The following ITGA2 variants were observed in gnomAD, a reference collection of about 807,000 sequenced individuals.
ITGA2 encodes the protein integrin alpha-2.
ITGA2 carries 101 observed loss-of-function variants against 146.3 expected under a neutral mutation model. The ratio of observed to expected loss-of-function variants is 0.69; its 90% CI spans 0.59 to 0.81. ITGA2 has a LOEUF of 0.81. ITGA2 is among the 40% of genes least tolerant of loss of function. The pLI is 0.00. For synonymous variants in ITGA2, 477 were observed against 487.1 expected (o/e 0.98, Z 0.27); for missense variants, 1,281 against 1,402.7 (o/e 0.91, Z 1.39).
chr5:53,080,268 A>C (rs1294950876), intron 24 of ITGA2, among the ~76,000 whole-genome samples: 1 of 152,132 alleles, frequency 6.6e-6, no homozygotes, highest in Non-Finnish European at 1.5e-5. Context: ...CTTATATCCT[A>C]CTGCTCAAGG....
At chr5:53,002,563 G>A (rs1019388086) in intron 1 of ITGA2, among the ~76,000 whole-genome samples, 13 of 152,016 alleles carry the variant, frequency 8.6e-5, no homozygotes, top group African/African-American at 2.9e-4. Flanking sequence ...TAACTTTAAT[G>A]CATCCTGCCA....
At chr5:53,073,374 C>G in intron 20 of ITGA2, 115 bp downstream of exon 20, 1 of 1,160,330 alleles carries the variant, frequency 8.6e-7, no homozygotes, top group Non-Finnish European at 1.3e-6. Context: ...CATGATCAAT[C>G]TGAACTTTGT....
At chr5:53,049,110 C>G (rs1348524259) in intron 6 of ITGA2, among the ~76,000 whole-genome samples, 1 of 151,840 alleles carries the variant, frequency 6.6e-6, no homozygotes, top group Non-Finnish European at 1.5e-5. Flanking sequence ...CTCCTGGGTT[C>G]AAGCGATTCT....
Position 53,075,114 on chromosome 5 carries a change from G to A in ITGA2, c.2718G>A (p.Ala906=), listed in dbSNP as rs3212594. Residue 906 remains alanine (A), a synonymous_variant, in exon 22 of 30, where the codon GCG becomes GCA. Transcript: ENST00000296585. Reference sequence around the variant, plus strand: ...ATCTTCAAAACCTTCAGAATCAGGCGTCTCTCAGTTTCCAAGCCTTAAGGT... The same window carrying A: ...ATCTTCAAAACCTTCAGAATCAGGCATCTCTCAGTTTCCAAGCCTTAAGGT... ...DFNLQNLQNQ[A]SLSFQALSES... 2.1e-3 allele frequency: 3,338 copies of A among 1,611,646 alleles called. 36 individuals are homozygous for A. The African/African-American group carries it at 0.031, about 15-fold the overall frequency.
intron 1 of ITGA2, among the ~76,000 whole-genome samples, chr5:52,999,278 A>C (rs948451099): frequency 2.0e-5 from 3 of 152,232 alleles, no homozygotes; most frequent in Non-Finnish European, 4.4e-5. Context: ...AAAATGATGT[A>C]TTAAAAAAGA....
chr5:53,094,655 T>C lies in ITGA2; in HGVS notation c.*4056T>C, dbSNP rs1458318786. The C allele has an allele frequency of 6.6e-6, 1 of 152,240 alleles. No individual in the cohort carries two copies. Among genetic ancestry groups the C allele is most frequent in the Non-Finnish European group, 1.5e-5 (1 of 68,036 alleles). The allele number at this position is 152,240 out of a possible 1,614,324, so 9.4% of individuals were successfully genotyped here. ...TGTAGTCAACAGTTAGTAGTTTTTC[T>C]CATATCCAAGTATAACAAACAGAAA... On this transcript the variant is annotated 3_prime_UTR_variant, in exon 30 of 30. Transcript: ENST00000296585.
At chr5:53,026,609 G>A in intron 1 of ITGA2, 139 bp from the exon 2 acceptor site, 1 of 747,954 alleles carries the variant, frequency 1.3e-6, no homozygotes, top group African/African-American at 1.8e-5. Context: ...AAAAGCAGTA[G>A]TTATTTTTTC....
At chr5:53,031,747 T>A (rs1279721941) in intron 2 of ITGA2, among the ~76,000 whole-genome samples, 1 of 152,194 alleles carries the variant, frequency 6.6e-6, no homozygotes, top group Non-Finnish European at 1.5e-5. Context: ...CCAAGTAGAG[T>A]ACCTGGGCAG....
intron 23 of ITGA2, among the ~76,000 whole-genome samples, chr5:53,076,109 A>G (rs1401899955): frequency 2.0e-5 from 3 of 151,964 alleles, no homozygotes; most frequent in Admixed American, 6.6e-5. Flanking sequence ...TTCATGGCAC[A>G]GACAAACTGG....
At chr5:53,036,630 C>T (rs1199869641) in intron 2 of ITGA2, among the ~76,000 whole-genome samples, 3 of 152,190 alleles carry the variant, frequency 2.0e-5, no homozygotes, top group African/African-American at 4.8e-5. Flanking sequence ...CTCCACCCCA[C>T]ACTCCTAACT....
intron 1 of ITGA2, among the ~76,000 whole-genome samples, chr5:53,000,506 T>C (rs1047183923): frequency 6.6e-6 from 1 of 152,192 alleles, no homozygotes; most frequent in Non-Finnish European, 1.5e-5. Flanking sequence ...TTACTCTCTC[T>C]ACTGTATTGT....
chr5:53,090,373 A>G (rs532711944), intron 29 of ITGA2, 146 bp from the exon 30 acceptor site: 22 of 731,346 alleles, frequency 3.0e-5, no homozygotes, highest in Admixed American at 6.1e-5. Context: ...CAGGTGGTAG[A>G]TATCAGGTCA....
chr5:53,060,360 C>T (rs2111960349), intron 11 of ITGA2, among the ~76,000 whole-genome samples: 1 of 151,978 alleles, frequency 6.6e-6, no homozygotes, highest in East Asian at 1.9e-4. Flanking sequence ...AATAAGCAGC[C>T]ACTGATTTTG....
chr5:53,005,596 A>T (rs1741806234), intron 1 of ITGA2, among the ~76,000 whole-genome samples: 1 of 144,022 alleles, frequency 6.9e-6, no homozygotes, highest in African/African-American at 2.5e-5. Context: ...AAAAAAAAAA[A>T]GATGAAAGTG....
intron 1 of ITGA2, among the ~76,000 whole-genome samples, chr5:52,994,439 G>T (rs934369235): frequency 2.6e-5 from 4 of 152,232 alleles, no homozygotes; most frequent in African/African-American, 9.6e-5. Context: ...GGCTGTGTCT[G>T]ATTTAGCCAT....
rs775763016 is a variant in ITGA2, at chr5:52,989,537, G to A, written c.64+5G>A. On this transcript the variant is annotated splice_donor_5th_base_variant and intron_variant, in intron 1 of 29. Transcript: ENST00000296585. ...TGGTGTTAGCGCTCAGTCAAGGTAA[G>A]CGGGGATTTCGCTCTGCATCGGCTG... is the stretch of plus-strand genomic sequence containing the variant. The A allele has an allele frequency of 5.0e-6, 8 of 1,613,830 alleles. No individual in the cohort carries two copies. The Admixed American group carries it at 5.0e-5, about 10-fold the overall frequency.
chr5:53,057,946 A>T, intron 9 of ITGA2, 79 bp from the exon 10 acceptor site: 1 of 953,878 alleles, frequency 1.0e-6, no homozygotes, highest in Non-Finnish European at 1.7e-6. Flanking sequence ...GCATGTGTGT[A>T]CATACGTGCC....
intron 1 of ITGA2, among the ~76,000 whole-genome samples, chr5:52,993,183 G>A (rs3212386): frequency 0.14 from 21,943 of 152,004 alleles, 1,635 homozygotes; most frequent in East Asian, 0.16. Flanking sequence ...CCTTTGCTGG[G>A]TCCCACCCTA....
Position 53,067,233 on chromosome 5 carries a change from C to G in ITGA2, c.2059C>G (p.Pro687Ala), listed in dbSNP as rs1217026408. Residue 687 changes from proline (P) to alanine (A), a missense_variant, in exon 16 of 30, where the codon CCT (proline) becomes GCT (alanine). Transcript: ENST00000296585. ...LKLCFSAKFR[P>A]TKQNNQVAIV... ...ACTCTGCTTCAGTGCAAAGTTCAGACCTACTAAGCAAAACAATCAAGTGGG... is the reference window on the plus strand; with the variant it reads ...ACTCTGCTTCAGTGCAAAGTTCAGAGCTACTAAGCAAAACAATCAAGTGGG... The G allele has an allele frequency of 6.2e-7, 1 of 1,611,572 alleles. No homozygotes were observed.
Sources: allele counts gnomAD v4.1 joint callset (sites outside exome capture counted in the v4.1 genomes callset), GRCh38; gene constraint gnomAD v4.1.1; transcripts MANE v1.5; gene names NCBI Gene and HGNC (gene_info 2026-07-23, HGNC 2026-07-21).